The following TRAK1 variants were observed in gnomAD, a reference collection of about 807,000 sequenced individuals.
TRAK1 encodes trafficking kinesin protein 1.
A neutral mutation model predicts 92.1 loss-of-function variants in TRAK1; 33 were observed. The observed-to-expected ratio is 0.36, with a 90% CI of 0.27 to 0.48. TRAK1 has a LOEUF of 0.48. TRAK1 is among the 20% of genes least tolerant of loss of function. The probability of loss-of-function intolerance (pLI) is 0.99; values close to 1 mark genes in which losing one functional copy is unlikely to be tolerated. For synonymous variants in TRAK1, 521 were observed against 517.3 expected (o/e 1.01, Z -0.10); for missense variants, 1,123 against 1,257.9 (o/e 0.89, Z 1.62).
intron 1 of TRAK1, among the ~76,000 whole-genome samples, chr3:42,041,856 G>A (rs1449356331): frequency 1.3e-5 from 2 of 151,058 alleles, no homozygotes; most frequent in African/African-American, 4.9e-5. Context: ...GTGCAGTGGC[G>A]CGATCTTGGC....
chr3:42,043,091 TA>T (rs1466166438), intron 1 of TRAK1, among the ~76,000 whole-genome samples: 1 of 152,136 alleles, frequency 6.6e-6, no homozygotes, highest in Non-Finnish European at 1.5e-5. Context: ...CCTCTCCCTT[TA>T]AGGGTAAGGA....
chr3:42,158,972 A>C (rs1308931085), intron 2 of TRAK1, among the ~76,000 whole-genome samples: 1 of 144,872 alleles, frequency 6.9e-6, no homozygotes, highest in Non-Finnish European at 1.5e-5. Context: ...AATAATAATA[A>C]TAATAATAAT....
chr3:42,070,540 A>C (rs1463588074), intron 1 of TRAK1, among the ~76,000 whole-genome samples: 1 of 151,952 alleles, frequency 6.6e-6, no homozygotes, highest in Non-Finnish European at 1.5e-5. Context: ...CAATACTCCC[A>C]TCTCAGCCTC....
chr3:42,054,904 A>ATTTTTGTTTTTT (rs1703136118), intron 1 of TRAK1, among the ~76,000 whole-genome samples: 1 of 37,086 alleles, frequency 2.7e-5, no homozygotes, highest in Non-Finnish European at 5.1e-5. Context: ...AGCAAACTAG[A>ATTTTTGTTTTTT]TTTTTTTTTT....
rs957119983 is a variant in TRAK1, at chr3:42,223,943, C to T, written c.*206C>T. The stretch of plus-strand genomic sequence containing the variant: ...ACATAGGACTTGGAGACCTTGTGTC[C>T]GCCCTGCTCTTTCTTCCGATCCCAC... On this transcript the variant is annotated 3_prime_UTR_variant, in exon 16 of 16. Transcript: ENST00000327628. This position sits in a 1 kb window ranked among gnomAD's most constrained non-coding sequence, Gnocchi z 6.1. 1.4e-5 allele frequency: 9 copies of T among 664,724 alleles called. No homozygotes were observed. The highest frequency in any genetic ancestry group is 3.3e-5 in the South Asian group (2 of 59,966). The allele number at this position is 664,724 out of a possible 1,614,324, so 41.2% of individuals were successfully genotyped here. A position where few individuals can be genotyped will look rare whatever the true frequency, so the allele number is the denominator to read the frequency against.
chr3:42,066,807 C>T (rs569890022), intron 1 of TRAK1, among the ~76,000 whole-genome samples: 1 of 152,222 alleles, frequency 6.6e-6, no homozygotes, highest in Non-Finnish European at 1.5e-5. Context: ...TGTTTGGACC[C>T]GTTTCCTAGT....
chr3:42,168,822 A>T (rs1702184701), intron 2 of TRAK1, among the ~76,000 whole-genome samples: 2 of 151,760 alleles, frequency 1.3e-5, no homozygotes, highest in Admixed American at 1.3e-4. Context: ...TCTACTTTTT[A>T]AAAATTGTTG....
At chr3:42,118,961 C>T (rs1385932372) in intron 1 of TRAK1, among the ~76,000 whole-genome samples, 1 of 152,154 alleles carries the variant, frequency 6.6e-6, no homozygotes, top group Non-Finnish European at 1.5e-5. Context: ...ATGGCTCCAC[C>T]TGCCTCATGT....
intron 1 of TRAK1, among the ~76,000 whole-genome samples, chr3:42,039,212 C>T (rs928477475): frequency 9.2e-5 from 14 of 152,122 alleles, no homozygotes. Flanking sequence ...GCTTCTTTCA[C>T]TTGGCATAGT....
chr3:42,036,694 G>T (rs1032107809), intron 1 of TRAK1, among the ~76,000 whole-genome samples: 1 of 152,150 alleles, frequency 6.6e-6, no homozygotes, highest in African/African-American at 2.4e-5. Context: ...AGACTTCCTA[G>T]GCTTGACTCT....
chr3:42,186,386 G>C (rs1196344645), intron 4 of TRAK1, among the ~76,000 whole-genome samples: 1 of 152,150 alleles, frequency 6.6e-6, no homozygotes, highest in Non-Finnish European at 1.5e-5. Context: ...GCTATTCCCA[G>C]TACATTGTTG....
chr3:42,165,592 G>T (rs114001721), intron 2 of TRAK1, among the ~76,000 whole-genome samples: 9,144 of 152,252 alleles, frequency 0.06, 287 homozygotes, highest in Middle Eastern at 0.085. Flanking sequence ...GCTTTTGTGG[G>T]CTGTGGAGTT....
At chr3:42,064,772 G>T (rs1261893873) in intron 1 of TRAK1, among the ~76,000 whole-genome samples, 6 of 152,104 alleles carry the variant, frequency 3.9e-5, no homozygotes, top group Non-Finnish European at 8.8e-5. Flanking sequence ...AAAAATACAT[G>T]CCAGGCATGG....
intron 1 of TRAK1, among the ~76,000 whole-genome samples, chr3:42,079,164 G>A (rs1416069680): frequency 6.6e-6 from 1 of 152,200 alleles, no homozygotes; most frequent in Non-Finnish European, 1.5e-5. Flanking sequence ...ATTATTTCAA[G>A]CCACTCAATT....
At chr3:42,205,960 C>G (rs572423936) in intron 13 of TRAK1, among the ~76,000 whole-genome samples, 16 of 152,140 alleles carry the variant, frequency 1.1e-4, no homozygotes, top group Non-Finnish European at 2.2e-4. Context: ...TAATTCCTGC[C>G]TGGTTTTAAT....
intron 1 of TRAK1, among the ~76,000 whole-genome samples, chr3:42,071,340 G>A (rs1462678597): frequency 1.3e-5 from 2 of 152,108 alleles, no homozygotes; most frequent in Admixed American, 1.3e-4. Context: ...CTGTTTTTGG[G>A]TGGATAAGGT....
At chr3:42,128,520 C>G (rs933229405) in intron 2 of TRAK1, among the ~76,000 whole-genome samples, 1 of 152,244 alleles carries the variant, frequency 6.6e-6, no homozygotes, top group Non-Finnish European at 1.5e-5. Flanking sequence ...AGAGCTCTCT[C>G]ACTAAGGTCC....
chr3:42,223,359 C>T lies in TRAK1; in HGVS notation c.2484C>T (p.Arg828=), dbSNP rs1710541813. The change falls in exon 16 of 16, where the codon CGC becomes CGT. Residue 828 remains arginine (R), a synonymous_variant. Coordinates refer to ENST00000327628, the MANE Select transcript of TRAK1 (RefSeq NM_001042646.3). The surrounding 1 kb of genome is among the most constrained non-coding windows in gnomAD (Gnocchi z 6.1). The part of the protein sequence containing the change: ...ILREVREKNV[R]SSESQTDVSV... ...GGGAAGTGAGAGAAAAGAACGTCCGCAGCAGCGAGAGCCAGACCGACGTGT... is the reference window on the plus strand; with the variant it reads ...GGGAAGTGAGAGAAAAGAACGTCCGTAGCAGCGAGAGCCAGACCGACGTGT... 6.2e-7 allele frequency: 1 copy of T among 1,614,126 alleles called. No individual in the cohort carries two copies. Among genetic ancestry groups the T allele is most frequent in the Non-Finnish European group, 8.5e-7 (1 of 1,180,060 alleles).
intron 8 of TRAK1, among the ~76,000 whole-genome samples, chr3:42,193,470 T>C (rs1706120016): frequency 6.6e-6 from 1 of 152,222 alleles, no homozygotes; most frequent in Admixed American, 6.5e-5. Flanking sequence ...GTTTAACTTA[T>C]GGATCATCTA....
Sources: allele counts gnomAD v4.1 joint callset (sites outside exome capture counted in the v4.1 genomes callset), GRCh38; gene constraint gnomAD v4.1.1; non-coding constraint Gnocchi (gnomAD v3.1); transcripts MANE v1.5; gene names NCBI Gene and HGNC (gene_info 2026-07-23, HGNC 2026-07-21).